Variants in SMYD3 observed in about 807,000 individuals in gnomAD.
The protein encoded by SMYD3 is histone-lysine N-methyltransferase SMYD3.
In SMYD3, 36 loss-of-function variants were observed where a neutral mutation model predicts 57.7. The observed-to-expected ratio is 0.62, with a 90% confidence interval of 0.48 to 0.82. SMYD3 has a LOEUF of 0.82. SMYD3 is among the 40% of genes least tolerant of loss of function. The pLI is 0.00. For synonymous variants in SMYD3, 211 were observed against 195.0 expected, an observed-to-expected ratio of 1.08 and a Z score of -0.68; for missense variants, 515 against 538.8, an observed-to-expected ratio of 0.96 and a Z score of 0.44.
intron 5 of SMYD3, among the ~76,000 whole-genome samples, chr1:246,226,024 G>T (rs749199856): frequency 3.9e-5 from 6 of 152,050 alleles, no homozygotes; most frequent in Non-Finnish European, 7.4e-5. Flanking sequence ...TGACAAGATC[G>T]GTTTCCATAA....
At chr1:246,479,476 G>A (rs977992297) in intron 1 of SMYD3, among the ~76,000 whole-genome samples, 2 of 147,446 alleles carry the variant, frequency 1.4e-5, no homozygotes, top group African/African-American at 2.5e-5. Context: ...TGCACGTGAT[G>A]TGTTTGGCAT....
At chr1:246,199,947 G>A (rs970494667) in intron 5 of SMYD3, among the ~76,000 whole-genome samples, 9 of 152,026 alleles carry the variant, frequency 5.9e-5, no homozygotes, top group African/African-American at 1.9e-4. Context: ...CTGTAATAGA[G>A]AAGATAGAGG....
intron 5 of SMYD3, among the ~76,000 whole-genome samples, chr1:245,961,895 G>C (rs1323692247): frequency 6.6e-6 from 1 of 152,172 alleles, no homozygotes; most frequent in Non-Finnish European, 1.5e-5. Flanking sequence ...TAAGCTGCCG[G>C]ATAAAAGTTT....
At chr1:246,278,014 A>C (rs745685532) in intron 5 of SMYD3, among the ~76,000 whole-genome samples, 4 of 152,174 alleles carry the variant, frequency 2.6e-5, no homozygotes, top group Non-Finnish European at 5.9e-5. Context: ...AGTTTATTTA[A>C]ATAAAAAGGT....
chr1:245,961,050 T>C (rs894182799), intron 5 of SMYD3, among the ~76,000 whole-genome samples: 4 of 152,204 alleles, frequency 2.6e-5, no homozygotes, highest in Non-Finnish European at 5.9e-5. Flanking sequence ...TCCATATGCC[T>C]TAAAACTACC....
chr1:246,416,188 A>G (rs1346474206), intron 1 of SMYD3, among the ~76,000 whole-genome samples: 1 of 152,218 alleles, frequency 6.6e-6, no homozygotes, highest in Non-Finnish European at 1.5e-5. Flanking sequence ...TGGTAATAAT[A>G]AACAATCCTT....
chr1:246,384,609 C>A (rs375100439), intron 1 of SMYD3, among the ~76,000 whole-genome samples: 65 of 152,246 alleles, frequency 4.3e-4, no homozygotes, highest in African/African-American at 1.5e-3. Flanking sequence ...GTTGGCCAGG[C>A]TGTTGTCAAA....
At chr1:246,003,713 T>A (rs1025402905) in intron 5 of SMYD3, among the ~76,000 whole-genome samples, 4 of 152,236 alleles carry the variant, frequency 2.6e-5, no homozygotes, top group Non-Finnish European at 5.9e-5. Flanking sequence ...TACATACAGA[T>A]CAATGTCATG....
At chr1:245,756,799 CT>C (rs34298332) in intron 11 of SMYD3, among the ~76,000 whole-genome samples, 159 of 141,708 alleles carry the variant, frequency 1.1e-3, no homozygotes, top group South Asian at 2.7e-3. Flanking sequence ...GCTTTTAGGA[CT>C]TTTTTTTTTT....
At chr1:246,015,169 C>T (rs949735513) in intron 5 of SMYD3, among the ~76,000 whole-genome samples, 1 of 152,156 alleles carries the variant, frequency 6.6e-6, no homozygotes, top group East Asian at 1.9e-4. Flanking sequence ...TCCCCCAGGG[C>T]GTGGTAGGTC....
intron 5 of SMYD3, among the ~76,000 whole-genome samples, chr1:245,989,111 A>G (rs1278453062): frequency 6.6e-6 from 1 of 152,226 alleles, no homozygotes; most frequent in Non-Finnish European, 1.5e-5. Flanking sequence ...TTCTAACTTC[A>G]TGATTCCATG....
intron 5 of SMYD3, among the ~76,000 whole-genome samples, chr1:246,263,271 A>G (rs1004777407): frequency 6.6e-6 from 1 of 152,214 alleles, no homozygotes; most frequent in African/African-American, 2.4e-5. Context: ...TCTGTACTAT[A>G]AAATACAGAT....
At chr1:246,248,340 G>A (rs1293358267) in intron 5 of SMYD3, among the ~76,000 whole-genome samples, 2 of 142,772 alleles carry the variant, frequency 1.4e-5, no homozygotes, top group African/African-American at 2.5e-5. Flanking sequence ...ACTCATTTTC[G>A]GATTTTGAAG....
intron 10 of SMYD3, among the ~76,000 whole-genome samples, chr1:245,816,695 C>T (rs537676528): frequency 2.1e-4 from 32 of 152,070 alleles, no homozygotes; most frequent in Admixed American, 1.5e-3. Flanking sequence ...GTGCGCGCAC[C>T]GTGCGCGAGC....
intron 5 of SMYD3, among the ~76,000 whole-genome samples, chr1:246,083,235 T>A (rs1264174847): frequency 6.6e-6 from 1 of 152,114 alleles, no homozygotes; most frequent in Non-Finnish European, 1.5e-5. Flanking sequence ...CGATTGTATA[T>A]TCCATCTACT....
At chr1:246,334,578 G>A (rs1408601082) in intron 3 of SMYD3, among the ~76,000 whole-genome samples, 1 of 152,124 alleles carries the variant, frequency 6.6e-6, no homozygotes, top group Non-Finnish European at 1.5e-5. Flanking sequence ...AAGAAGCAGG[G>A]AGTGGGCAAG....
intron 5 of SMYD3, among the ~76,000 whole-genome samples, chr1:246,297,512 G>A (rs1050253627): frequency 3.3e-5 from 5 of 152,078 alleles, no homozygotes; most frequent in Admixed American, 6.6e-5. Context: ...AACCCTCAAC[G>A]AACAAAGGTA....
At chr1:246,127,574 TAA>T (rs1394900989) in intron 5 of SMYD3, among the ~76,000 whole-genome samples, 1 of 152,166 alleles carries the variant, frequency 6.6e-6, no homozygotes, top group African/African-American at 2.4e-5. Flanking sequence ...GTCTAATCCC[TAA>T]ACTCACTGCA....
At chr1:246,163,771 GA>G (rs1558280504) in intron 5 of SMYD3, among the ~76,000 whole-genome samples, 1 of 152,230 alleles carries the variant, frequency 6.6e-6, no homozygotes, top group Non-Finnish European at 1.5e-5. Context: ...GATATGGAAG[GA>G]AAGTGCTTCT....
Sources: gnomAD v4.1 joint callset for allele counts (sites outside exome capture counted in the v4.1 genomes callset) on GRCh38, gnomAD v4.1.1 for gene constraint, MANE v1.5 for transcripts, NCBI Gene and HGNC (gene_info 2026-07-23, HGNC 2026-07-21) for gene names.